The following COQ8A variants were observed in gnomAD, a reference collection of about 807,000 sequenced individuals.
The protein encoded by COQ8A is atypical kinase COQ8A, mitochondrial.
COQ8A carries 51 observed loss-of-function variants against 65.0 expected under a neutral mutation model. The observed-to-expected ratio is 0.78, with a 90% confidence interval of 0.63 to 0.99. The LOEUF (loss-of-function observed/expected upper bound fraction) is 0.99. COQ8A is among the 50% of genes least tolerant of loss of function. COQ8A has a pLI of 0.00. For synonymous variants in COQ8A, 371 were observed against 353.2 expected (o/e 1.05, Z -0.57); for missense variants, 940 against 875.0 (o/e 1.07, Z -0.94).
At chr1:226,984,965 T>C in intron 13 of COQ8A, 24 bp downstream of exon 13, 1 of 1,613,104 alleles carries the variant, frequency 6.2e-7, no homozygotes, top group Non-Finnish European at 8.5e-7. Context: ...GGCCCTGGCC[T>C]TGGTCCATGT....
Position 226,965,222 on chromosome 1 carries a change from GCCT to G in COQ8A, c.406_408del (p.Ser136del). 3 of 1,613,868 alleles carry G rather than the reference GCCT, an allele frequency of 1.9e-6. No homozygotes were observed. The highest frequency in any genetic ancestry group is 2.5e-6 in the Non-Finnish European group (3 of 1,180,022). ...TAGAGAAGCCGGGTTCCCCGGCCAG[GCCT>G]CCTCCCCTCTGGGCAGGGCCAACGG... On this transcript the variant is annotated inframe_deletion, in exon 3 of 15. Transcript: ENST00000366777.
rs1660145930 is a variant in COQ8A at position 226,986,745 on chromosome 1, G to T, written c.*8G>T. On this transcript the variant is annotated 3_prime_UTR_variant, in exon 15 of 15. Coordinates refer to ENST00000366777, the MANE Select transcript of COQ8A (RefSeq NM_020247.5). ...AGGCAGGCCCAGCAGTAGGGCTGCG[G>T]GCCACGCCCAGGCCGGCTCCGCGGG... is the stretch of plus-strand genomic sequence containing the variant. 1 of 1,611,588 alleles carries T rather than the reference G, an allele frequency of 6.2e-7. No homozygotes were observed. The highest frequency in any genetic ancestry group is 1.3e-5 in the African/African-American group (1 of 74,948).
intron 1 of COQ8A, among the ~76,000 whole-genome samples, chr1:226,956,671 G>C (rs1412257577): frequency 6.4e-5 from 6 of 93,284 alleles, no homozygotes; most frequent in Admixed American, 1.1e-4. Context: ...GCCACTCCCT[G>C]GTTCACACTC....
At chr1:226,940,991 C>T (rs1656654570) in intron 1 of COQ8A, among the ~76,000 whole-genome samples, 1 of 152,170 alleles carries the variant, frequency 6.6e-6, no homozygotes, top group Non-Finnish European at 1.5e-5. Context: ...TCCTCTTCTC[C>T]AAACTCTGGG....
At chr1:226,982,637 T>G (rs1409515251) in intron 6 of COQ8A, 41 bp from the exon 7 acceptor site, 2 of 1,604,080 alleles carry the variant, frequency 1.2e-6, no homozygotes, top group Non-Finnish European at 1.7e-6. Flanking sequence ...GCGCACACTT[T>G]AATCCCCAGG....
At chr1:226,965,773 G>T (rs771765465) in intron 4 of COQ8A, 36 bp downstream of exon 4, 2 of 1,603,762 alleles carry the variant, frequency 1.2e-6, no homozygotes, top group Non-Finnish European at 1.7e-6. Context: ...TGCCTCACCT[G>T]CCCTGCCTGG....
chr1:226,978,636 CGCCCACCTCCTTACCCTCCACACACCT>C lies in COQ8A; in HGVS notation c.730+1128_730+1154del, dbSNP rs1456136141. On this transcript the variant is annotated intron_variant, in intron 5 of 14. Transcript: ENST00000366777. ...CCGCCCACCTTACACTCCACACACC[CGCCCACCTCCTTACCCTCCACACACCT>C]GCCCACCTCCTTACACACCCTCCAC... 3.1e-4 allele frequency among the ~76,000 whole-genome samples: 26 copies of C among 82,574 alleles called. 5 individuals carry two copies. Among genetic ancestry groups the C allele is most frequent in the South Asian group, 1.0e-3 (2 of 1,976 alleles). The allele number at this position is 82,574 out of a possible 152,430, so 54.2% of individuals were successfully genotyped here.
At chr1:226,981,875 T>C in intron 5 of COQ8A, 152 bp from the exon 6 acceptor site, 1 of 1,185,286 alleles carries the variant, frequency 8.4e-7, no homozygotes, top group Non-Finnish European at 1.2e-6. Flanking sequence ...CTTGGGGAGG[T>C]GGACATGGAA....
At chr1:226,963,768 C>G (rs1359485322) in intron 2 of COQ8A, among the ~76,000 whole-genome samples, 1 of 152,182 alleles carries the variant, frequency 6.6e-6, no homozygotes, top group Admixed American at 6.5e-5. Context: ...CCACGCCTGG[C>G]TAATTTTTGT....
chr1:226,953,123 G>A (rs1420060507), intron 1 of COQ8A, among the ~76,000 whole-genome samples: 3 of 152,160 alleles, frequency 2.0e-5, no homozygotes, highest in African/African-American at 7.2e-5. Flanking sequence ...TCCGCCTCCT[G>A]GTTTCAAGCC....
At chr1:226,977,214 G>A (rs1014946143) in intron 4 of COQ8A, among the ~76,000 whole-genome samples, 2 of 152,204 alleles carry the variant, frequency 1.3e-5, no homozygotes, top group East Asian at 3.9e-4. Context: ...TGATGGTGTG[G>A]AGTGGGGGAT....
chr1:226,950,342 T>G (rs534029346), intron 1 of COQ8A, among the ~76,000 whole-genome samples: 1 of 152,336 alleles, frequency 6.6e-6, no homozygotes, highest in African/African-American at 2.4e-5. Flanking sequence ...TAAGAATATC[T>G]TAATCTTCCA....
chr1:226,945,606 C>T (rs1656989342), intron 1 of COQ8A, among the ~76,000 whole-genome samples: 1 of 152,198 alleles, frequency 6.6e-6, no homozygotes, highest in South Asian at 2.1e-4. Context: ...GCTCTTGCTC[C>T]CTAAGGTGTT....
At chr1:226,951,768 T>C (rs758307565) in intron 1 of COQ8A, among the ~76,000 whole-genome samples, 1 of 150,352 alleles carries the variant, frequency 6.7e-6, no homozygotes, top group Non-Finnish European at 1.5e-5. Flanking sequence ...TTTGCTGTTG[T>C]AGCCAAAAAA....
chr1:226,965,107 A>G lies in COQ8A; in HGVS notation c.285A>G (p.Ser95=). 1 of 1,613,908 alleles carries G rather than the reference A, an allele frequency of 6.2e-7. No individual in the cohort carries two copies. The highest frequency in any genetic ancestry group is 1.3e-5 in the African/African-American group (1 of 75,046). The change falls in exon 3 of 15, where the codon TCA becomes TCG. Residue 95 remains serine, a synonymous_variant. Transcript: ENST00000366777. ...HAAGASTDFS[S]ASAPDQSAPP... ...CCGGAGCCTCCACAGACTTCTCTTC[A>G]GCCTCCGCTCCCGACCAGTCAGCGC... is the stretch of plus-strand genomic sequence containing the variant.
Position 226,986,558 on chromosome 1 carries a change from A to T in COQ8A, c.1765A>T (p.Asn589Tyr). 1 of 1,613,852 alleles carries T rather than the reference A, an allele frequency of 6.2e-7. No homozygotes were observed. The change falls in exon 15 of 15, where the codon AAC becomes TAC. Residue 589 changes from asparagine to tyrosine, a missense_variant. Coordinates refer to ENST00000366777, the MANE Select transcript of COQ8A (RefSeq NM_020247.5). ...TCAGAGCACCACCGAGAAGATCCACAACCTGATTCCCGTCATGCTGAGGCA... is the reference window on the plus strand; with the variant it reads ...TCAGAGCACCACCGAGAAGATCCACTACCTGATTCCCGTCATGCTGAGGCA... ...GTQSTTEKIH[N>Y]LIPVMLRHRL...
rs1558202050 is a variant in COQ8A at position 226,978,745 on chromosome 1, T to TC, written c.730+1222_730+1223insC. Reference sequence around the variant, plus strand: ...ACCCACCTCATACCTGCACACCTCCTTACACACCCACCTCACACCCGCATA... The same window carrying TC: ...ACCCACCTCATACCTGCACACCTCCTCTACACACCCACCTCACACCCGCATA... On this transcript the variant is annotated intron_variant, in intron 5 of 14. Coordinates refer to ENST00000366777, the MANE Select transcript of COQ8A (RefSeq NM_020247.5). Among the ~76,000 whole-genome samples the TC allele has an allele frequency of 6.2e-5, 4 of 64,722 alleles. 1 individual carries two copies. Among genetic ancestry groups the TC allele is most frequent in the South Asian group, 5.7e-4 (1 of 1,756 alleles). The allele number at this position is 64,722 out of a possible 152,430, so 42.5% of individuals were successfully genotyped here. A position where few individuals can be genotyped will look rare whatever the true frequency, so the allele number is the denominator to read the frequency against.
At chr1:226,943,387 A>G (rs1656817550) in intron 1 of COQ8A, among the ~76,000 whole-genome samples, 5 of 152,104 alleles carry the variant, frequency 3.3e-5, no homozygotes, top group Admixed American at 2.6e-4. Flanking sequence ...AGTGGAAAGG[A>G]GAGCTGGTGG....
In COQ8A at chr1:226,972,824, CTTTA is replaced by C. The variant is rs948553162; in HGVS notation, c.656-4619_656-4616del. ...AACAAAGCACCACTTTATACCATCACTTTATTTATCTTTTCAAAAGGACATTTTA... is the reference window on the plus strand; with the variant it reads ...AACAAAGCACCACTTTATACCATCACTTTATCTTTTCAAAAGGACATTTTA... On this transcript the variant is annotated intron_variant, in intron 4 of 14. Coordinates refer to ENST00000366777, the MANE Select transcript of COQ8A (RefSeq NM_020247.5). The surrounding 1 kb of genome is among the most constrained non-coding windows in gnomAD (Gnocchi z 4.3). 2.0e-4 allele frequency among the ~76,000 whole-genome samples: 30 copies of C among 152,318 alleles called. No homozygotes were observed. In the East Asian group the frequency reaches 4.0e-3, roughly 21 times the overall value.
Sources: allele counts gnomAD v4.1 joint callset (sites outside exome capture counted in the v4.1 genomes callset), GRCh38; gene constraint gnomAD v4.1.1; non-coding constraint Gnocchi (gnomAD v3.1); transcripts MANE v1.5; gene names NCBI Gene and HGNC (gene_info 2026-07-23, HGNC 2026-07-21).